Variants in ZNF208 observed in about 807,000 individuals in gnomAD.
The protein encoded by ZNF208 is zinc finger protein 95.
ZNF208 carries 10 observed loss-of-function variants against 12.1 expected under a neutral mutation model. The observed-to-expected ratio is 0.83, with a 90% confidence interval of 0.51 to 1.40. ZNF208 has a LOEUF of 1.40. Ranked by LOEUF, ZNF208 falls within the 40% of genes most tolerant of loss-of-function variation. ZNF208 has a pLI of 0.00. For synonymous variants in ZNF208, 497 were observed against 488.4 expected, an observed-to-expected ratio of 1.02 and a Z score of -0.23; for missense variants, 1,652 against 1,485.0, an observed-to-expected ratio of 1.11 and a Z score of -1.85.
At chr19:22,006,670 C>T (rs1039853942) in intron 1 of ZNF208, among the ~76,000 whole-genome samples, 2 of 152,164 alleles carry the variant, frequency 1.3e-5, no homozygotes, top group Admixed American at 6.6e-5. Context: ...CCTTTAATAA[C>T]CTCCGTCTGC....
chr19:21,980,324 A>G (rs1446457153), intron 3 of ZNF208, among the ~76,000 whole-genome samples: 1 of 152,140 alleles, frequency 6.6e-6, no homozygotes, highest in Admixed American at 6.5e-5. Context: ...TGGAAGTAAA[A>G]TACTCCTCAG....
intron 4 of ZNF208, among the ~76,000 whole-genome samples, chr19:21,960,291 G>A (rs887638070): frequency 2.0e-5 from 3 of 151,788 alleles, no homozygotes; most frequent in African/African-American, 7.3e-5. Context: ...GTTTCAATCA[G>A]CCAAAATATT....
At chr19:22,009,257 C>G (rs987896862) in intron 1 of ZNF208, among the ~76,000 whole-genome samples, 2 of 152,060 alleles carry the variant, frequency 1.3e-5, no homozygotes, top group Non-Finnish European at 2.9e-5. Flanking sequence ...TTGGGAATGT[C>G]AGAAGGAACT....
chr19:21,971,345 C>T lies in ZNF208; in HGVS notation c.3689G>A (p.Cys1230Tyr), dbSNP rs1242551480. Residue 1230 changes from cysteine (C) to tyrosine (Y), a missense_variant, in exon 4 of 4, where the codon TGT becomes TAT. Around this residue, in one of 3 missense-constraint regions of ZNF208, gnomAD observed 1,239 missense variants for 1,086.2 expected, o/e 1.14. Coordinates refer to ENST00000397126, the MANE Select transcript of ZNF208 (RefSeq NM_007153.3). ...TGAGAACGTACTAAAGGCTTTGCCA[C>T]ATTCTTCACATTTGTAGGGTTTCTC... ...TGEKPYKCEECGKAFSTFSIL... is the reference protein window; with the variant it reads ...TGEKPYKCEEYGKAFSTFSIL... 6 of 1,611,316 alleles carry T rather than the reference C, an allele frequency of 3.7e-6. No homozygotes were observed. In the Admixed American group the frequency reaches 5.0e-5, roughly 13 times the overall value.
chr19:21,978,827 A>G (rs2145557492), intron 3 of ZNF208, among the ~76,000 whole-genome samples: 1 of 152,306 alleles, frequency 6.6e-6, no homozygotes, highest in Non-Finnish European at 1.5e-5. Context: ...GAAGCTAAGA[A>G]CCTTGAAAAA....
intron 3 of ZNF208, among the ~76,000 whole-genome samples, chr19:21,985,459 G>A (rs934281589): frequency 3.9e-5 from 6 of 152,198 alleles, no homozygotes; most frequent in Non-Finnish European, 8.8e-5. Context: ...AGGCAATTGT[G>A]AAACTTTGCT....
Position 22,004,933 on chromosome 19 carries a change from C to T in ZNF208, c.3+5859G>A, listed in dbSNP as rs367665059. 4.7e-4 allele frequency among the ~76,000 whole-genome samples: 71 copies of T among 152,224 alleles called. No homozygotes were observed. In the East Asian group the frequency reaches 7.3e-3, roughly 16 times the overall value. On this transcript the variant is annotated intron_variant, in intron 1 of 3. Transcript: ENST00000397126. ...ACCAAAAATAAAAGTTAAAAGAAAA[C>T]AAAGTCCCTGGGTTGGAGAGAGTGC...
Position 21,972,815 on chromosome 19 carries a change from T to C in ZNF208, c.2219A>G (p.Lys740Arg). 1 of 1,612,458 alleles carries C rather than the reference T, an allele frequency of 6.2e-7. No homozygotes were observed. The change falls in exon 4 of 4, where the codon AAG becomes AGG. Residue 740 changes from lysine to arginine, a missense_variant. Lys to Arg is a conservative substitution (Grantham distance 26, BLOSUM62 2). Around this residue, in one of 3 missense-constraint regions of ZNF208, gnomAD observed 1,239 missense variants for 1,086.2 expected, o/e 1.14. Transcript: ENST00000397126. ...GGGTTTCTCTCCAGTATGAATTACC[T>C]TATGTTTAGTAAGGACTGAGAATGT... ...FSTFSVLTKH[K>R]VIHTGEKPYK...
chr19:21,984,083 C>T (rs1457266933), intron 3 of ZNF208, among the ~76,000 whole-genome samples: 1 of 152,050 alleles, frequency 6.6e-6, no homozygotes, highest in Non-Finnish European at 1.5e-5. Flanking sequence ...ATAGAGAGCA[C>T]TCCTTAACAT....
Position 21,970,941 on chromosome 19 carries a change from A to G in ZNF208, c.*250T>C, listed in dbSNP as rs987264517. Among the ~76,000 whole-genome samples the G allele has an allele frequency of 1.3e-5, 2 of 151,402 alleles. No homozygotes were observed. Among genetic ancestry groups the G allele is most frequent in the Non-Finnish European group, 2.9e-5 (2 of 67,940 alleles). ...GCTTTGCCACATTCTTTGCATTTGTATGGTTTCTCTCCAGTATGAATTACC... is the reference window on the plus strand; with the variant it reads ...GCTTTGCCACATTCTTTGCATTTGTGTGGTTTCTCTCCAGTATGAATTACC... On this transcript the variant is annotated 3_prime_UTR_variant, in exon 4 of 4. Transcript: ENST00000397126.
intron 4 of ZNF208, among the ~76,000 whole-genome samples, chr19:21,951,304 A>G (rs116405981): frequency 2.6e-5 from 4 of 152,232 alleles, no homozygotes; most frequent in Admixed American, 2.6e-4. Context: ...TAAAGTTAAA[A>G]TTACAAAAAG....
intron 3 of ZNF208, among the ~76,000 whole-genome samples, chr19:21,983,522 A>G (rs943452256): frequency 3.3e-5 from 5 of 152,240 alleles, no homozygotes; most frequent in African/African-American, 1.2e-4. Context: ...AGAAGATTAT[A>G]AATCATTCTA....
chr19:21,988,952 A>G (rs1279217203), intron 1 of ZNF208, 43 bp from the exon 2 acceptor site: 1 of 1,607,502 alleles, frequency 6.2e-7, no homozygotes, highest in Admixed American at 1.7e-5. Flanking sequence ...GGACATGGGC[A>G]GAATTTTTAA....
Position 21,969,342 on chromosome 19 carries a change from G to C in ZNF208, c.*1849C>G, listed in dbSNP as rs1335174772. On this transcript the variant is annotated 3_prime_UTR_variant, in exon 4 of 4. Transcript: ENST00000397126. ...TTAAATTTAATTATAACTCTTCAAA[G>C]ATCTACTTCTTTTAAAGTTATATAC... 2.0e-5 allele frequency among the ~76,000 whole-genome samples: 3 copies of C among 151,852 alleles called. No homozygotes were observed. The highest frequency in any genetic ancestry group is 4.4e-5 in the Non-Finnish European group (3 of 67,988).
chr19:21,987,099 T>C, intron 3 of ZNF208, 117 bp downstream of exon 3: 1 of 1,019,840 alleles, frequency 9.8e-7, no homozygotes, highest in South Asian at 1.9e-5. Flanking sequence ...AAAATAAAAA[T>C]TAGTCTCTCC....
Position 22,007,308 on chromosome 19 carries a change from A to C in ZNF208, c.3+3484T>G, listed in dbSNP as rs921489399. ...GCCGAGGCAGGTGGATCATGAGGTCAGGAGATTGAGACCATCCTGGCTAAC... is the reference window on the plus strand; with the variant it reads ...GCCGAGGCAGGTGGATCATGAGGTCCGGAGATTGAGACCATCCTGGCTAAC... On this transcript the variant is annotated intron_variant, in intron 1 of 3. Transcript: ENST00000397126. 3.3e-5 allele frequency among the ~76,000 whole-genome samples: 5 copies of C among 151,560 alleles called. No individual in the cohort carries two copies. The South Asian group carries it at 1.0e-3, about 32-fold the overall frequency.
intron 4 of ZNF208, among the ~76,000 whole-genome samples, chr19:21,956,804 A>G (rs1481861784): frequency 3.9e-5 from 6 of 152,046 alleles, no homozygotes; most frequent in Non-Finnish European, 8.8e-5. Context: ...GTGATGTCCC[A>G]CCCTGCTTCG....
At chr19:21,993,115 T>C (rs188770820) in intron 1 of ZNF208, among the ~76,000 whole-genome samples, 9 of 152,152 alleles carry the variant, frequency 5.9e-5, no homozygotes, top group Non-Finnish European at 1.0e-4. Flanking sequence ...ACTCCATCCA[T>C]TTCTGTCCTT....
chr19:22,007,928 C>G (rs1422511026), intron 1 of ZNF208, among the ~76,000 whole-genome samples: 1 of 147,108 alleles, frequency 6.8e-6, no homozygotes, highest in African/African-American at 2.5e-5. Context: ...CACTTGAACT[C>G]GTGATGCAGA....
Sources: gnomAD v4.1 joint callset for allele counts (sites outside exome capture counted in the v4.1 genomes callset) on GRCh38, gnomAD v4.1.1 for gene constraint, gnomAD v4.1.1 regional missense constraint, MANE v1.5 for transcripts, NCBI Gene and HGNC (gene_info 2026-07-23, HGNC 2026-07-21) for gene names.